ATP1A3: variants seen among roughly 807,000 people sequenced by gnomAD.
ATP1A3 encodes the protein ATPase Na+/K+ transporting subunit alpha 3.
ATP1A3 carries 12 observed loss-of-function variants against 108.8 expected under a neutral mutation model. That is an observed-to-expected ratio of 0.11 (90% CI 0.07 to 0.18). The LOEUF (loss-of-function observed/expected upper bound fraction) is 0.18. Ranked by LOEUF, ATP1A3 falls within the 10% of genes least tolerant of loss-of-function variation. ATP1A3 has a pLI of 1.00. For synonymous variants in ATP1A3, 539 were observed against 564.5 expected, an observed-to-expected ratio of 0.95 and a Z score of 0.64; for missense variants, 498 against 1,387.7, an observed-to-expected ratio of 0.36 and a Z score of 10.19.
chr19:41,980,130 C>A (rs1479842913), intron 11 of ATP1A3, among the ~76,000 whole-genome samples: 1 of 152,268 alleles, frequency 6.6e-6, no homozygotes, highest in Non-Finnish European at 1.5e-5. Context: ...GCTCTTCCCC[C>A]AGACACCTGC....
Position 41,988,626 on chromosome 19 carries a change from A to G in ATP1A3, c.7-64T>C, listed in dbSNP as rs371478724. On this transcript the variant is annotated intron_variant, in intron 1 of 22. Coordinates refer to ENST00000648268, the MANE Select transcript of ATP1A3 (RefSeq NM_152296.5). This position sits in a 1 kb window ranked among gnomAD's most constrained non-coding sequence, Gnocchi z 5.3. ...ACTGCGGGCGAGAAGGGGTTCCAGG[A>G]GGACACCGGCCCTCCATGCCCCAGC... 1.8e-4 allele frequency: 290 copies of G among 1,613,004 alleles called. 2 individuals are homozygous for G. In the African/African-American group the frequency reaches 3.1e-3, roughly 17 times the overall value.
intron 15 of ATP1A3, 54 bp from the exon 16 acceptor site, chr19:41,975,851 TCC>T: frequency 6.2e-7 from 1 of 1,610,456 alleles, no homozygotes; most frequent in African/African-American, 1.3e-5. Flanking sequence ...CAGAGTCCCC[TCC>T]CTCAGATCCA....
chr19:41,977,254 G>C (rs921903501), intron 14 of ATP1A3, among the ~76,000 whole-genome samples: 4 of 152,206 alleles, frequency 2.6e-5, no homozygotes, highest in Non-Finnish European at 5.9e-5. Context: ...GGAAAAAAGA[G>C]AGACAGACAC....
At chr19:41,979,039 G>A (rs553587936) in intron 11 of ATP1A3, among the ~76,000 whole-genome samples, 1 of 150,338 alleles carries the variant, frequency 6.7e-6, no homozygotes, top group Non-Finnish European at 1.5e-5. Context: ...GTCTCGCTCT[G>A]TTGCCCAGGC....
intron 1 of ATP1A3, 179 bp downstream of exon 1, chr19:41,993,892 C>A (rs1340772327): frequency 8.4e-7 from 1 of 1,190,638 alleles, no homozygotes; most frequent in African/African-American, 1.6e-5. Flanking sequence ...GCCACAGACC[C>A]CCCGCCGCCC....
At chr19:41,975,492 C>G in intron 16 of ATP1A3, 137 bp downstream of exon 16, 1 of 1,303,014 alleles carries the variant, frequency 7.7e-7, no homozygotes, top group Non-Finnish European at 1.1e-6. Flanking sequence ...CAGAAAAGGA[C>G]AGGCTCAGGC....
At chr19:41,975,340 G>T (rs1017293442) in intron 16 of ATP1A3, among the ~76,000 whole-genome samples, 1 of 152,124 alleles carries the variant, frequency 6.6e-6, no homozygotes, top group Admixed American at 6.5e-5. Flanking sequence ...CGTGGCTGCC[G>T]CCCCTGGCTG....
intron 16 of ATP1A3, among the ~76,000 whole-genome samples, chr19:41,972,820 AG>A (rs1248325847): frequency 1.6e-5 from 2 of 125,408 alleles, no homozygotes; most frequent in Non-Finnish European, 3.3e-5. Flanking sequence ...GAAGGAAGGA[AG>A]GAAGGAAGGA....
Position 41,967,487 on chromosome 19 carries a change from G to T in ATP1A3, c.2922-147C>A. 2 of 1,201,202 alleles carry T rather than the reference G, an allele frequency of 1.7e-6. No individual in the cohort carries two copies. Among genetic ancestry groups the T allele is most frequent in the South Asian group, 2.8e-5 (2 of 70,862 alleles). 74.4% of individuals were successfully genotyped at this position (1,201,202 alleles called of 1,614,324 possible). A position where few individuals can be genotyped will look rare whatever the true frequency, so the allele number is the denominator to read the frequency against. On this transcript the variant is annotated intron_variant, in intron 21 of 22. Transcript: ENST00000648268. This position sits in a 1 kb window ranked among gnomAD's most constrained non-coding sequence, Gnocchi z 4.2. ...TGCCCTGGGCGGGGCTGGGGCCTGG[G>T]GTCTTCGGAGTAATCCGTGGTGGGA...
At position 41,967,401 on chromosome 19, in the gene ATP1A3, G is replaced by T; in HGVS notation, c.2922-61C>A. On this transcript the variant is annotated intron_variant, in intron 21 of 22. Coordinates refer to ENST00000648268, the MANE Select transcript of ATP1A3 (RefSeq NM_152296.5). This position sits in a 1 kb window ranked among gnomAD's most constrained non-coding sequence, Gnocchi z 4.2. ...GCCCTAACGAGAGGCAGAGTTTCAG[G>T]GGACTGGAGGGGACGCAGAGGGGCA... is the stretch of plus-strand genomic sequence containing the variant. 1 of 1,533,128 alleles carries T rather than the reference G, an allele frequency of 6.5e-7. No homozygotes were observed. Among genetic ancestry groups the T allele is most frequent in the Non-Finnish European group, 8.9e-7 (1 of 1,124,756 alleles). 95.0% of individuals were successfully genotyped at this position (1,533,128 alleles called of 1,614,324 possible).
In ATP1A3 at chr19:41,985,175, C is replaced by T; in HGVS notation, c.736G>A (p.Gly246Ser). ...STNCVEGTAR[G>S]VVVATGDRTV... is the part of the protein sequence containing the mutation. ...CGGTCGCCCGTGGCCACCACCACGC[C>T]CCGAGCCGTGCCTGCAGGCCAGAGG... The change falls in exon 8 of 23, where the codon GGC (glycine) becomes AGC (serine). Residue 246 changes from glycine (G) to serine (S), a missense_variant. Physicochemically the swap from Gly to Ser is moderately conservative, Grantham distance 56. This residue lies in a region of ATP1A3 where 127 missense variants were observed against 464.0 expected (regional missense o/e 0.27). Coordinates refer to ENST00000648268, the MANE Select transcript of ATP1A3 (RefSeq NM_152296.5). This position sits in a 1 kb window ranked among gnomAD's most constrained non-coding sequence, Gnocchi z 8.2. 1 of 1,613,442 alleles carries T rather than the reference C, an allele frequency of 6.2e-7. No individual in the cohort carries two copies. The highest frequency in any genetic ancestry group is 8.5e-7 in the Non-Finnish European group (1 of 1,179,636).
In ATP1A3 at chr19:41,981,796, C is replaced by T; in HGVS notation, c.1228G>A (p.Ala410Thr). 1 of 1,614,220 alleles carries T rather than the reference C, an allele frequency of 6.2e-7. No individual in the cohort carries two copies. Among genetic ancestry groups the T allele is most frequent in the Non-Finnish European group, 8.5e-7 (1 of 1,180,042 alleles). Residue 410 changes from alanine (A) to threonine (T), a missense_variant, in exon 10 of 23, where the codon GCC (alanine) becomes ACC (threonine). Coordinates refer to ENST00000648268, the MANE Select transcript of ATP1A3 (RefSeq NM_152296.5). The surrounding 1 kb of genome is among the most constrained non-coding windows in gnomAD (Gnocchi z 5.0). ...CAGAGCCCAGCGATGTGAGACAGGGCCACCCAGGTGTGCGAACTCTTGTCA... is the reference window on the plus strand; with the variant it reads ...CAGAGCCCAGCGATGTGAGACAGGGTCACCCAGGTGTGCGAACTCTTGTCA... The part of the protein sequence containing the change: ...SFDKSSHTWV[A>T]LSHIAGLCNR...
chr19:41,988,827 T>C lies in ATP1A3; in HGVS notation c.7-265A>G, dbSNP rs1367391274. On this transcript the variant is annotated intron_variant, in intron 1 of 22. Transcript: ENST00000648268. This position sits in a 1 kb window ranked among gnomAD's most constrained non-coding sequence, Gnocchi z 5.3. ...CAGCTTCCCTGTCTCTGGTTCTGTGTGTCTCTGAGTCTCTGTCCCCGAAGG... is the reference window on the plus strand; with the variant it reads ...CAGCTTCCCTGTCTCTGGTTCTGTGCGTCTCTGAGTCTCTGTCCCCGAAGG... Among the ~76,000 whole-genome samples, 1 of 152,194 alleles carries C rather than the reference T, an allele frequency of 6.6e-6. No individual in the cohort carries two copies. Among genetic ancestry groups the C allele is most frequent in the East Asian group, 1.9e-4 (1 of 5,200 alleles).
rs1555858593 is a variant in ATP1A3 at position 41,966,724 on chromosome 19, C to T, written c.*213G>A. ...AGAGGGGTGAGGAGAGGGAGAGAAA[C>T]TGACACAGAAAAGAGAGAGGAGAGA... On this transcript the variant is annotated 3_prime_UTR_variant, in exon 23 of 23. Coordinates refer to ENST00000648268, the MANE Select transcript of ATP1A3 (RefSeq NM_152296.5). 2.6e-6 allele frequency: 4 copies of T among 1,532,908 alleles called. No homozygotes were observed. The highest frequency in any genetic ancestry group is 3.5e-6 in the Non-Finnish European group (4 of 1,137,608). The allele number at this position is 1,532,908 out of a possible 1,614,324, so 95.0% of individuals were successfully genotyped here. A position where few individuals can be genotyped will look rare whatever the true frequency, so the allele number is the denominator to read the frequency against.
In ATP1A3 at chr19:41,994,204, G is replaced by T; in HGVS notation, c.-128C>A. ...GGTAGGTGCGCGCGTCCGTCCGTCCGTCCGTTGGTCCCACCGCACAGAGGC... is the reference window on the plus strand; with the variant it reads ...GGTAGGTGCGCGCGTCCGTCCGTCCTTCCGTTGGTCCCACCGCACAGAGGC... On this transcript the variant is annotated 5_prime_UTR_variant, in exon 1 of 23. Coordinates refer to ENST00000648268, the MANE Select transcript of ATP1A3 (RefSeq NM_152296.5). The T allele has an allele frequency of 8.1e-6, 7 of 866,500 alleles. No homozygotes were observed. The highest frequency in any genetic ancestry group is 4.2e-5 in the South Asian group (2 of 47,140). The allele number at this position is 866,500 out of a possible 1,614,324, so 53.7% of individuals were successfully genotyped here. A position where few individuals can be genotyped will look rare whatever the true frequency, so the allele number is the denominator to read the frequency against.
intron 8 of ATP1A3, among the ~76,000 whole-genome samples, chr19:41,982,399 G>C (rs1441901126): frequency 6.6e-6 from 1 of 152,146 alleles, no homozygotes. Flanking sequence ...GCCGAGGTAG[G>C]CGCATCACTT....
At chr19:41,991,868 A>G (rs1421057600) in intron 1 of ATP1A3, among the ~76,000 whole-genome samples, 24 of 29,300 alleles carry the variant, frequency 8.2e-4, no homozygotes, top group South Asian at 2.7e-3. Flanking sequence ...CTGAGGGAGG[A>G]GGGGCTGGGG....
chr19:41,976,616 G>A (rs1555861413), intron 14 of ATP1A3, 50 bp from the exon 15 acceptor site: 1 of 1,610,958 alleles, frequency 6.2e-7, no homozygotes, highest in Non-Finnish European at 8.5e-7. Context: ...TGTGAGGAGT[G>A]GCAAAGTGAT....
Position 41,978,389 on chromosome 19 carries a change from T to C in ATP1A3, c.1631-63A>G, listed in dbSNP as rs2075194937. On this transcript the variant is annotated intron_variant, in intron 12 of 22. Coordinates refer to ENST00000648268, the MANE Select transcript of ATP1A3 (RefSeq NM_152296.5). This position sits in a 1 kb window ranked among gnomAD's most constrained non-coding sequence, Gnocchi z 8.3. Reference sequence around the variant, plus strand: ...CCTCGGAACCTCCGCCCCATGCCCCTAGATGTCTGCATCGCCCGCATTCCA... The same window carrying C: ...CCTCGGAACCTCCGCCCCATGCCCCCAGATGTCTGCATCGCCCGCATTCCA... 6.5e-7 allele frequency: 1 copy of C among 1,542,956 alleles called. No homozygotes were observed. Among genetic ancestry groups the C allele is most frequent in the Non-Finnish European group, 8.8e-7 (1 of 1,140,324 alleles).
Sources: gnomAD v4.1 joint callset for allele counts (sites outside exome capture counted in the v4.1 genomes callset) on GRCh38, gnomAD v4.1.1 for gene constraint, gnomAD v4.1.1 regional missense constraint, Gnocchi (gnomAD v3.1) non-coding constraint, MANE v1.5 for transcripts, NCBI Gene and HGNC (gene_info 2026-07-23, HGNC 2026-07-21) for gene names.